Variants in OR2G6 observed in about 807,000 individuals in gnomAD.
OR2G6 encodes the protein olfactory receptor 2G6.
For missense variants in OR2G6, 457 were observed against 391.3 expected, an observed-to-expected ratio of 1.17 and a Z score of -1.42; for synonymous variants, 183 against 155.2, an observed-to-expected ratio of 1.18 and a Z score of -1.33.
In OR2G6 at chr1:248,523,184, T is replaced by C. The variant is rs1411323615; in HGVS notation, c.*587T>C. On this transcript the variant is annotated 3_prime_UTR_variant, in exon 2 of 2. Coordinates refer to ENST00000641804, the MANE Select transcript of OR2G6 (RefSeq NM_001013355.2). ...CTCTAACTAGGCAAAGCAATGTATA[T>C]AACAGACTGAAAAAATACATGACCA... The C allele has an allele frequency of 2.0e-5, 3 of 152,334 alleles. No homozygotes were observed. Among genetic ancestry groups the C allele is most frequent in the African/African-American group, 7.2e-5 (3 of 41,428 alleles). 9.4% of individuals were successfully genotyped at this position (152,334 alleles called of 1,614,324 possible).
Position 248,522,056 on chromosome 1 carries a change from A to T in OR2G6, c.410A>T (p.His137Leu). 1 of 1,614,016 alleles carries T rather than the reference A, an allele frequency of 6.2e-7. No homozygotes were observed. Among genetic ancestry groups the T allele is most frequent in the South Asian group, 1.1e-5 (1 of 91,068 alleles). ...CRPLRYIAIM[H>L]PRFCASLAGG... ...CCACTGCGCTACATAGCCATTATGCACCCCAGGTTCTGTGCGTCTCTGGCC... is the reference window on the plus strand; with the variant it reads ...CCACTGCGCTACATAGCCATTATGCTCCCCAGGTTCTGTGCGTCTCTGGCC... Residue 137 changes from histidine (H) to leucine (L), a missense_variant, in exon 2 of 2, where the codon CAC becomes CTC. Coordinates refer to ENST00000641804, the MANE Select transcript of OR2G6 (RefSeq NM_001013355.2).
Position 248,521,729 on chromosome 1 carries a change from T to C in OR2G6, c.83T>C (p.Phe28Ser). The C allele has an allele frequency of 1.2e-6, 2 of 1,614,166 alleles. No individual in the cohort carries two copies. The highest frequency in any genetic ancestry group is 1.3e-5 in the African/African-American group (1 of 75,046). The change falls in exon 2 of 2, where the codon TTT becomes TCT. Residue 28 changes from phenylalanine to serine, a missense_variant. By Grantham distance (155) the Phe-to-Ser change is radical. Transcript: ENST00000641804. ...SDQPQLERFL[F>S]AIILYFYVLS... is the part of the protein sequence containing the mutation. The stretch of plus-strand genomic sequence containing the variant: ...CAGCCTCAGCTAGAGAGGTTTCTTT[T>C]TGCCATCATTTTGTACTTCTACGTC...
intron 1 of OR2G6, among the ~76,000 whole-genome samples, chr1:248,520,303 G>T (rs1339466731): frequency 6.6e-6 from 1 of 152,136 alleles, no homozygotes; most frequent in South Asian, 2.1e-4. Flanking sequence ...AGGAGGGATA[G>T]CATTAGGAGA....
rs769156489 is a variant in OR2G6 at position 248,521,930 on chromosome 1, G to T, written c.284G>T (p.Gly95Val). ...AAGAAAGACAAAACCATGAGCTACG[G>T]TGGCTGTGTGGCCCAGCTCTATGTG... ...MNKKDKTMSY[G>V]GCVAQLYVAM... is the part of the protein sequence containing the mutation. Residue 95 changes from glycine (G) to valine (V), a missense_variant, in exon 2 of 2, where the codon GGT becomes GTT. By Grantham distance (109) the Gly-to-Val change is moderately radical (BLOSUM62 -3). Transcript: ENST00000641804. 6.2e-7 allele frequency: 1 copy of T among 1,614,154 alleles called. No homozygotes were observed. The highest frequency in any genetic ancestry group is 8.5e-7 in the Non-Finnish European group (1 of 1,180,026).
In OR2G6 at chr1:248,525,448, G is replaced by T. The variant is rs1314473002; in HGVS notation, c.*2851G>T. On this transcript the variant is annotated 3_prime_UTR_variant, in exon 2 of 2. Coordinates refer to ENST00000641804, the MANE Select transcript of OR2G6 (RefSeq NM_001013355.2). ...CAAACACCATGAATTTTTTTTAAAA[G>T]ATATTTTTAAGAAAAAATAAAATGA... 2 of 147,728 alleles carry T rather than the reference G, an allele frequency of 1.4e-5. No individual in the cohort carries two copies. Among genetic ancestry groups the T allele is most frequent in the Non-Finnish European group, 3.0e-5 (2 of 67,206 alleles). 9.2% of individuals were successfully genotyped at this position (147,728 alleles called of 1,614,324 possible).
chr1:248,520,196 TTC>T (rs1407760898), intron 1 of OR2G6, among the ~76,000 whole-genome samples: 4 of 152,148 alleles, frequency 2.6e-5, no homozygotes, highest in Non-Finnish European at 5.9e-5. Context: ...ACATCGCATG[TTC>T]TCATTCATAA....
chr1:248,520,167 C>T (rs1219208414), intron 1 of OR2G6, among the ~76,000 whole-genome samples: 1 of 152,106 alleles, frequency 6.6e-6, no homozygotes, highest in Non-Finnish European at 1.5e-5. Context: ...AGCAAACTAA[C>T]ACAAGAACAG....
rs1659146426 is a variant in OR2G6 at position 248,527,065 on chromosome 1, C to A, written c.*4468C>A. On this transcript the variant is annotated 3_prime_UTR_variant, in exon 2 of 2. Coordinates refer to ENST00000641804, the MANE Select transcript of OR2G6 (RefSeq NM_001013355.2). ...GGTGTTTTAGACATGAAGTCCTTAT[C>A]CATGCCTATGTCCTGAATGGAATTG... is the stretch of plus-strand genomic sequence containing the variant. The A allele has an allele frequency of 6.6e-6, 1 of 152,184 alleles. No homozygotes were observed. Among genetic ancestry groups the A allele is most frequent in the Non-Finnish European group, 1.5e-5 (1 of 68,060 alleles). 9.4% of individuals were successfully genotyped at this position (152,184 alleles called of 1,614,324 possible).
At position 248,521,736 on chromosome 1, in the gene OR2G6, C is replaced by A. The variant is rs768357004; in HGVS notation, c.90C>A (p.Ile30=). The stretch of plus-strand genomic sequence containing the variant: ...AGCTAGAGAGGTTTCTTTTTGCCAT[C>A]ATTTTGTACTTCTACGTCTTGAGCC... ...QPQLERFLFA[I]ILYFYVLSLL... is the part of the protein sequence containing the mutation. Residue 30 remains isoleucine, a synonymous_variant, in exon 2 of 2, where the codon ATC becomes ATA. Coordinates refer to ENST00000641804, the MANE Select transcript of OR2G6 (RefSeq NM_001013355.2). 9 of 1,614,026 alleles carry A rather than the reference C, an allele frequency of 5.6e-6. No homozygotes were observed. The African/African-American group carries it at 1.1e-4, about 19-fold the overall frequency.
At chr1:248,520,875 T>A (rs145449059) in intron 1 of OR2G6, among the ~76,000 whole-genome samples, 31,298 of 141,448 alleles carry the variant, frequency 0.22, 3,575 homozygotes, top group African/African-American at 0.32. Context: ...TATATAAAAA[T>A]ATATATATAT....
Position 248,522,524 on chromosome 1 carries a change from GAAAC to G in OR2G6, c.882_885del (p.Asn294LysfsTer3), listed in dbSNP as rs757459921. The G allele has an allele frequency of 9.3e-6, 15 of 1,613,606 alleles. No individual in the cohort carries two copies. The highest frequency in any genetic ancestry group is 3.3e-5 in the Admixed American group (2 of 59,988). ...TTAAACCCCATTATCTACACTCTGAGAAACAAAGATGTGAAAGGGGCCTTGAGGA... is the reference window on the plus strand; with the variant it reads ...TTAAACCCCATTATCTACACTCTGAGAAAGATGTGAAAGGGGCCTTGAGGA... On this transcript the variant is annotated frameshift_variant, in exon 2 of 2. Coordinates refer to ENST00000641804, the MANE Select transcript of OR2G6 (RefSeq NM_001013355.2). LOFTEE classifies it low-confidence loss of function (END_TRUNC).
intron 1 of OR2G6, among the ~76,000 whole-genome samples, chr1:248,519,428 T>C (rs1664234880): frequency 6.7e-6 from 1 of 150,326 alleles, no homozygotes; most frequent in Non-Finnish European, 1.5e-5. Flanking sequence ...CTGAATGGTA[T>C]TGCCTAGGTT....
In OR2G6 at chr1:248,524,147, C is replaced by T. The variant is rs1399913337; in HGVS notation, c.*1550C>T. Reference sequence around the variant, plus strand: ...AAGGATAACGTTTGGACCTGCCTCTCCTACCAAAGCCTGGACTGAAGGCAA... The same window carrying T: ...AAGGATAACGTTTGGACCTGCCTCTTCTACCAAAGCCTGGACTGAAGGCAA... On this transcript the variant is annotated 3_prime_UTR_variant, in exon 2 of 2. Transcript: ENST00000641804. The T allele has an allele frequency of 6.6e-6, 1 of 152,176 alleles. No individual in the cohort carries two copies. Among genetic ancestry groups the T allele is most frequent in the Non-Finnish European group, 1.5e-5 (1 of 68,052 alleles). 9.4% of individuals were successfully genotyped at this position (152,176 alleles called of 1,614,324 possible).
intron 1 of OR2G6, among the ~76,000 whole-genome samples, chr1:248,520,306 T>C (rs756936979): frequency 2.2e-4 from 34 of 152,114 alleles, no homozygotes; most frequent in Admixed American, 2.2e-3. Context: ...AGGGATAGCA[T>C]TAGGAGAAAT....
At chr1:248,520,538 T>G (rs186139712) in intron 1 of OR2G6, among the ~76,000 whole-genome samples, 1 of 152,338 alleles carries the variant, frequency 6.6e-6, no homozygotes, top group East Asian at 1.9e-4. Context: ...ACTTGGCATT[T>G]GACAATATCA....
At chr1:248,520,165 AACAC>A (rs1471803459) in intron 1 of OR2G6, among the ~76,000 whole-genome samples, 1 of 152,202 alleles carries the variant, frequency 6.6e-6, no homozygotes. Context: ...TCAGCAAACT[AACAC>A]AAGAACAGAA....
chr1:248,521,275 TG>T (rs1005915775), intron 1 of OR2G6, among the ~76,000 whole-genome samples: 3 of 152,186 alleles, frequency 2.0e-5, no homozygotes, highest in African/African-American at 7.2e-5. Context: ...AAAAGGACAT[TG>T]GGTCAGTTGC....
At chr1:248,520,854 AAAT>A (rs67135206) in intron 1 of OR2G6, among the ~76,000 whole-genome samples, 30,979 of 145,744 alleles carry the variant, frequency 0.21, 3,486 homozygotes, top group African/African-American at 0.29. Context: ...TACTAAAAAA[AAAT>A]ATATATATAT....
chr1:248,525,811 C>G lies in OR2G6; in HGVS notation c.*3214C>G, dbSNP rs561728537. 6.6e-6 allele frequency: 1 copy of G among 152,142 alleles called. No homozygotes were observed. Among genetic ancestry groups the G allele is most frequent in the African/African-American group, 2.4e-5 (1 of 41,512 alleles). 9.4% of individuals were successfully genotyped at this position (152,142 alleles called of 1,614,324 possible). On this transcript the variant is annotated 3_prime_UTR_variant, in exon 2 of 2. Transcript: ENST00000641804. ...CAGGTGGATCATGAGGTCAGGAGTT[C>G]AAGCTCAGCCTGGCCAGCATGGTGA...
Sources: allele counts gnomAD v4.1 joint callset (sites outside exome capture counted in the v4.1 genomes callset), GRCh38; gene constraint gnomAD v4.1.1; transcripts MANE v1.5; gene names NCBI Gene and HGNC (gene_info 2026-07-23, HGNC 2026-07-21).